Variants in ALDH1A2 observed in about 807,000 individuals in gnomAD.
ALDH1A2 encodes aldehyde dehydrogenase 1 family member A2.
Under a neutral mutation model 60.3 loss-of-function variants are expected in ALDH1A2, and 27 were observed. The ratio of observed to expected loss-of-function variants is 0.45; its 90% confidence interval spans 0.33 to 0.62. ALDH1A2 has a LOEUF of 0.62. ALDH1A2 is among the 20% of genes least tolerant of loss of function. The pLI is 0.02. For synonymous variants in ALDH1A2, 289 were observed against 232.4 expected, an observed-to-expected ratio of 1.24 and a Z score of -2.21; for missense variants, 581 against 643.8, an observed-to-expected ratio of 0.90 and a Z score of 1.06.
At chr15:58,011,002 C>T (rs1895617754) in intron 3 of ALDH1A2, among the ~76,000 whole-genome samples, 2 of 152,124 alleles carry the variant, frequency 1.3e-5, no homozygotes, top group East Asian at 1.9e-4. Context: ...CCTGTGCTTC[C>T]AGTAACCACT....
chr15:57,992,190 C>T (rs2140490474), intron 7 of ALDH1A2, among the ~76,000 whole-genome samples: 1 of 152,300 alleles, frequency 6.6e-6, no homozygotes, highest in South Asian at 2.1e-4. Flanking sequence ...TATGGCATGG[C>T]TGAGTAGTTG....
At chr15:57,990,272 C>G (rs1433893743) in intron 7 of ALDH1A2, 3 of 152,184 alleles carry the variant, frequency 2.0e-5, no homozygotes, top group African/African-American at 4.8e-5. Flanking sequence ...AGAACCATAT[C>G]CAACTGAGCA....
intron 7 of ALDH1A2, chr15:57,980,554 C>T: frequency 3.6e-6 from 1 of 276,140 alleles, no homozygotes; most frequent in Admixed American, 3.8e-5. Context: ...GAAGCTCTGC[C>T]TCCTTCTGGG....
At chr15:58,050,027 T>G (rs1486168498) in intron 1 of ALDH1A2, among the ~76,000 whole-genome samples, 1 of 151,990 alleles carries the variant, frequency 6.6e-6, no homozygotes, top group Admixed American at 6.6e-5. Context: ...GGGGCTGAAG[T>G]GTTTATTTTC....
At chr15:57,988,575 G>C (rs1295294568) in intron 7 of ALDH1A2, among the ~76,000 whole-genome samples, 2 of 152,170 alleles carry the variant, frequency 1.3e-5, no homozygotes, top group African/African-American at 4.8e-5. Context: ...GTTGCCAGAA[G>C]CCAAGGGTGT....
At chr15:58,006,628 C>A (rs913924636) in intron 4 of ALDH1A2, among the ~76,000 whole-genome samples, 1 of 151,652 alleles carries the variant, frequency 6.6e-6, no homozygotes, top group Admixed American at 6.6e-5. Flanking sequence ...TTTACATTCC[C>A]AACCAGCAGT....
At chr15:58,011,058 A>T (rs1219539948) in intron 3 of ALDH1A2, among the ~76,000 whole-genome samples, 5 of 152,186 alleles carry the variant, frequency 3.3e-5, no homozygotes, top group African/African-American at 9.7e-5. Context: ...TGATAAAGAA[A>T]TGTTCTGCTT....
chr15:58,053,457 C>T (rs1315425892), intron 1 of ALDH1A2, among the ~76,000 whole-genome samples: 1 of 152,094 alleles, frequency 6.6e-6, no homozygotes, highest in African/African-American at 2.4e-5. Flanking sequence ...ACAAATAAGG[C>T]CCTCATCTCC....
intron 1 of ALDH1A2, among the ~76,000 whole-genome samples, chr15:58,062,597 T>C (rs1897069329): frequency 6.6e-6 from 1 of 152,202 alleles, no homozygotes; most frequent in African/African-American, 2.4e-5. Flanking sequence ...GCAGTCTTCT[T>C]AGGATACAAG....
intron 9 of ALDH1A2, among the ~76,000 whole-genome samples, chr15:57,963,232 AG>A (rs746078891): frequency 2.6e-5 from 4 of 152,108 alleles, no homozygotes; most frequent in Non-Finnish European, 5.9e-5. Context: ...GATGTCCTAA[AG>A]TTCAGTGATT....
At chr15:57,957,341 A>T (rs1423509912) in intron 12 of ALDH1A2, among the ~76,000 whole-genome samples, 1 of 152,110 alleles carries the variant, frequency 6.6e-6, no homozygotes. Flanking sequence ...CCCCCACCCC[A>T]CAAAGATTCA....
chr15:57,958,343 G>T (rs1290230791), intron 12 of ALDH1A2, among the ~76,000 whole-genome samples: 2 of 151,130 alleles, frequency 1.3e-5, no homozygotes, highest in Non-Finnish European at 2.9e-5. Context: ...CTCAGTTTGT[G>T]ACATTTTATG....
chr15:57,992,036 C>T (rs1894913273), intron 7 of ALDH1A2, among the ~76,000 whole-genome samples: 2 of 152,134 alleles, frequency 1.3e-5, no homozygotes, highest in South Asian at 4.1e-4. Context: ...CCAGTTTTTG[C>T]ATGTTTAAAT....
Position 57,962,079 on chromosome 15 carries a change from T to C in ALDH1A2, c.1184A>G (p.Lys395Arg). The C allele has an allele frequency of 6.2e-7, 1 of 1,614,210 alleles. No individual in the cohort carries two copies. Among genetic ancestry groups the C allele is most frequent in the Non-Finnish European group, 8.5e-7 (1 of 1,180,018 alleles). The change falls in exon 10 of 13, where the codon AAG (lysine) becomes AGG (arginine). Residue 395 changes from lysine to arginine, a missense_variant. Physicochemically the swap from Lys to Arg is conservative, Grantham distance 26 (BLOSUM62 2). This residue lies in a region of ALDH1A2 where 375 missense variants were observed against 469.7 expected (regional missense o/e 0.80). Transcript: ENST00000249750. Reference protein sequence around the residue: ...LECGGKGLGRKGFFIEPTVFS... With the variant: ...LECGGKGLGRRGFFIEPTVFS... ...CACTGTGGGCTCAATGAAAAACCCC[T>C]TTCGGCCCAGTCCTTTGCCTCCACA...
chr15:58,053,636 T>C (rs1896829355), intron 1 of ALDH1A2, among the ~76,000 whole-genome samples: 1 of 152,176 alleles, frequency 6.6e-6, no homozygotes, highest in South Asian at 2.1e-4. Flanking sequence ...CAAAAATCAC[T>C]GTTTTGTGTA....
chr15:58,065,075 C>A (rs1278292527), intron 1 of ALDH1A2: 2 of 236,566 alleles, frequency 8.5e-6, no homozygotes, highest in East Asian at 1.4e-4. Context: ...CCCTCAGCAC[C>A]CTCCGGGCTG....
In ALDH1A2 at chr15:58,065,434, C is replaced by T. The variant is rs1475942824; in HGVS notation, c.117+100G>A. On this transcript the variant is annotated intron_variant, in intron 1 of 12. Coordinates refer to ENST00000249750, the MANE Select transcript of ALDH1A2 (RefSeq NM_003888.4). ...GGATGACAGGCTGGCCCCGACGACC[C>T]CGGCCCCGTCCCGCAGCCCTCACCC... 6 of 1,072,596 alleles carry T rather than the reference C, an allele frequency of 5.6e-6. No individual in the cohort carries two copies. In the East Asian group the frequency reaches 7.1e-5, roughly 13 times the overall value. 66.4% of individuals were successfully genotyped at this position (1,072,596 alleles called of 1,614,324 possible). A position where few individuals can be genotyped will look rare whatever the true frequency, so the allele number is the denominator to read the frequency against.
At chr15:58,020,408 C>T (rs1217259223) in intron 1 of ALDH1A2, among the ~76,000 whole-genome samples, 4 of 152,134 alleles carry the variant, frequency 2.6e-5, no homozygotes, top group African/African-American at 7.2e-5. Flanking sequence ...GTCAGAAATA[C>T]AGTACCTCCC....
At chr15:58,007,178 G>C (rs1185727731) in intron 4 of ALDH1A2, among the ~76,000 whole-genome samples, 1 of 151,946 alleles carries the variant, frequency 6.6e-6, no homozygotes, top group Non-Finnish European at 1.5e-5. Context: ...TCTCTGATCA[G>C]CAGACAAGAA....
Sources: allele counts gnomAD v4.1 joint callset (sites outside exome capture counted in the v4.1 genomes callset), GRCh38; gene constraint gnomAD v4.1.1; regional missense constraint gnomAD v4.1.1; transcripts MANE v1.5; gene names NCBI Gene and HGNC (gene_info 2026-07-23, HGNC 2026-07-21).